RFX3: variants seen among roughly 807,000 people sequenced by gnomAD.
RFX3 encodes the protein regulatory factor X3.
A neutral mutation model predicts 98.6 loss-of-function variants in RFX3; 14 were observed. The observed-to-expected ratio is 0.14, with a 90% CI of 0.09 to 0.22. RFX3 has a LOEUF of 0.22. RFX3 is among the 10% of genes least tolerant of loss of function. RFX3 has a pLI of 1.00. For missense variants in RFX3, 639 were observed against 926.9 expected (o/e 0.69, Z 4.03); for synonymous variants, 383 against 328.4 (o/e 1.17, Z -1.80).
intron 13 of RFX3, among the ~76,000 whole-genome samples, chr9:3,260,869 A>G (rs370909460): frequency 6.7e-6 from 1 of 149,928 alleles, no homozygotes; most frequent in African/African-American, 2.4e-5. Flanking sequence ...ATAAATAGAT[A>G]TAAATATCTA....
rs995080639 is a variant in RFX3 at position 3,220,291 on chromosome 9, T to C, written c.*4751A>G. 5.3e-5 allele frequency: 8 copies of C among 152,060 alleles called. No individual in the cohort carries two copies. The highest frequency in any genetic ancestry group is 6.6e-5 in the Admixed American group (1 of 15,260). 9.4% of individuals were successfully genotyped at this position (152,060 alleles called of 1,614,324 possible). A position where few individuals can be genotyped will look rare whatever the true frequency, so the allele number is the denominator to read the frequency against. ...CTTCCTAAGGCTTTACTTACACTTG[T>C]ACTTTCTAAAGCTAAATAAATGAGA... On this transcript the variant is annotated 3_prime_UTR_variant, in exon 17 of 17. Coordinates refer to ENST00000617270, the MANE Select transcript of RFX3 (RefSeq NM_001282116.2).
At chr9:3,395,972 T>C (rs1319036901) in intron 1 of RFX3, among the ~76,000 whole-genome samples, 1 of 152,184 alleles carries the variant, frequency 6.6e-6, no homozygotes, top group African/African-American at 2.4e-5. Flanking sequence ...GTAAGTGTCA[T>C]GAATTCTACT....
chr9:3,320,876 A>G (rs1831217384), intron 4 of RFX3, among the ~76,000 whole-genome samples: 1 of 149,686 alleles, frequency 6.7e-6, no homozygotes, highest in Admixed American at 6.7e-5. Flanking sequence ...GTTTATTTGC[A>G]TATTTCCCTG....
chr9:3,350,018 C>G (rs1834912933), intron 2 of RFX3, among the ~76,000 whole-genome samples: 1 of 151,848 alleles, frequency 6.6e-6, no homozygotes, highest in Admixed American at 6.6e-5. Context: ...ATTGATAATC[C>G]TATTAAAAAA....
intron 1 of RFX3, among the ~76,000 whole-genome samples, chr9:3,514,102 C>A (rs922552930): frequency 6.6e-6 from 1 of 152,146 alleles, no homozygotes; most frequent in Non-Finnish European, 1.5e-5. Flanking sequence ...CTCTAAAAAT[C>A]ATCATACAAT....
chr9:3,504,857 G>A (rs181820757), intron 1 of RFX3, among the ~76,000 whole-genome samples: 6,111 of 24,990 alleles, frequency 0.24, 866 homozygotes, highest in East Asian at 0.56. Flanking sequence ...TATTATATAT[G>A]ATATAATATA....
chr9:3,232,911 A>AT (rs1384482628), intron 15 of RFX3, among the ~76,000 whole-genome samples: 2 of 152,212 alleles, frequency 1.3e-5, no homozygotes, highest in South Asian at 2.1e-4. Context: ...AAATTAAGGG[A>AT]TTTTAAAAGT....
At chr9:3,366,705 T>TCTTTCTTTCTTTCTTTC (rs1837187213) in intron 2 of RFX3, among the ~76,000 whole-genome samples, 2 of 118,920 alleles carry the variant, frequency 1.7e-5, no homozygotes, top group African/African-American at 6.6e-5. Flanking sequence ...TTTCTTTCTT[T>TCTTTCTTTCTTTCTTTC]CTTTCTTTCT....
intron 1 of RFX3, among the ~76,000 whole-genome samples, chr9:3,516,232 T>A (rs1452120906): frequency 6.6e-6 from 1 of 151,998 alleles, no homozygotes; most frequent in East Asian, 1.9e-4. Flanking sequence ...GTATTTTTAG[T>A]AGAGACGGGG....
At position 3,525,952 on chromosome 9, in the gene RFX3, G is replaced by C. The variant is rs1819240777; in HGVS notation, c.-214C>G. The C allele has an allele frequency of 1.5e-5, 10 of 687,738 alleles. No individual in the cohort carries two copies. Among genetic ancestry groups the C allele is most frequent in the Non-Finnish European group, 1.8e-5 (10 of 561,676 alleles). The allele number at this position is 687,738 out of a possible 1,614,324, so 42.6% of individuals were successfully genotyped here. On this transcript the variant is annotated 5_prime_UTR_variant, in exon 1 of 17. Coordinates refer to ENST00000617270, the MANE Select transcript of RFX3 (RefSeq NM_001282116.2). Reference sequence around the variant, plus strand: ...AGAGAGAGAGAGAGGGAGAGAGAGAGAGAGCGAGAGGGAGAGGGAGACACT... The same window carrying C: ...AGAGAGAGAGAGAGGGAGAGAGAGACAGAGCGAGAGGGAGAGGGAGACACT...
chr9:3,232,581 T>C (rs1463579519), intron 15 of RFX3, among the ~76,000 whole-genome samples: 3 of 152,254 alleles, frequency 2.0e-5, no homozygotes, highest in African/African-American at 7.2e-5. Context: ...AAAGGCTGAA[T>C]AAATACTTAC....
chr9:3,482,240 AT>A (rs33935359), intron 1 of RFX3, among the ~76,000 whole-genome samples: 17,338 of 151,788 alleles, frequency 0.11, 1,799 homozygotes, highest in East Asian at 0.57. Flanking sequence ...TAAAAAAAAA[AT>A]GGTATGACCC....
intron 1 of RFX3, among the ~76,000 whole-genome samples, chr9:3,445,235 G>A (rs900131821): frequency 6.6e-6 from 1 of 152,058 alleles, no homozygotes; most frequent in African/African-American, 2.4e-5. Context: ...TTTTCATAAA[G>A]TAAGTTATTA....
At chr9:3,299,800 A>G (rs1442928733) in intron 5 of RFX3, among the ~76,000 whole-genome samples, 1 of 151,894 alleles carries the variant, frequency 6.6e-6, no homozygotes, top group Non-Finnish European at 1.5e-5. Context: ...ATCAACAAAT[A>G]CATTTTTAAA....
chr9:3,524,848 C>G (rs1819068808), intron 1 of RFX3, among the ~76,000 whole-genome samples: 1 of 128,742 alleles, frequency 7.8e-6, no homozygotes, highest in Non-Finnish European at 1.7e-5. Context: ...CACACACACA[C>G]ACACACACAC....
rs957538716 is a variant in RFX3 at position 3,525,956 on chromosome 9, G to A, written c.-218C>T. On this transcript the variant is annotated 5_prime_UTR_variant, in exon 1 of 17. Coordinates refer to ENST00000617270, the MANE Select transcript of RFX3 (RefSeq NM_001282116.2). ...AGAGAGAGAGGGAGAGAGAGAGAGA[G>A]CGAGAGGGAGAGGGAGACACTCGCA... 1.6e-6 allele frequency: 1 copy of A among 638,764 alleles called. No homozygotes were observed. The highest frequency in any genetic ancestry group is 8.0e-4 in the Middle Eastern group (1 of 1,250). 39.6% of individuals were successfully genotyped at this position (638,764 alleles called of 1,614,324 possible).
chr9:3,507,980 T>C (rs1817270903), intron 1 of RFX3, among the ~76,000 whole-genome samples: 1 of 151,828 alleles, frequency 6.6e-6, no homozygotes, highest in Non-Finnish European at 1.5e-5. Flanking sequence ...GCAAAGACTG[T>C]GGTTGTTCTG....
chr9:3,442,185 A>G (rs1312611267), intron 1 of RFX3, among the ~76,000 whole-genome samples: 1 of 152,090 alleles, frequency 6.6e-6, no homozygotes, highest in Non-Finnish European at 1.5e-5. Flanking sequence ...GGGCAACAAG[A>G]GCAAGACTCA....
chr9:3,479,922 G>C (rs1229093743), intron 1 of RFX3, among the ~76,000 whole-genome samples: 1 of 152,186 alleles, frequency 6.6e-6, no homozygotes, highest in African/African-American at 2.4e-5. Flanking sequence ...CGGGCTTCTG[G>C]AAGAGAAAAG....
Sources: gnomAD v4.1 joint callset for allele counts (sites outside exome capture counted in the v4.1 genomes callset) on GRCh38, gnomAD v4.1.1 for gene constraint, MANE v1.5 for transcripts, NCBI Gene and HGNC (gene_info 2026-07-23, HGNC 2026-07-21) for gene names.